The following TNK1 variants were observed in gnomAD, a reference collection of about 807,000 sequenced individuals.
TNK1 encodes non-receptor tyrosine-protein kinase TNK1.
In TNK1, 53 loss-of-function variants were observed where a neutral mutation model predicts 65.2. That is an observed-to-expected ratio of 0.81 (90% confidence interval 0.65 to 1.02). The LOEUF (loss-of-function observed/expected upper bound fraction) is 1.02. TNK1 is among the 50% of genes least tolerant of loss of function. The probability of loss-of-function intolerance (pLI) is 0.00; values close to 1 mark genes in which losing one functional copy is unlikely to be tolerated. For missense variants in TNK1, 837 were observed against 878.4 expected (o/e 0.95, Z 0.60); for synonymous variants, 353 against 364.6 (o/e 0.97, Z 0.36).
Position 7,382,988 on chromosome 17 carries a change from A to G in TNK1, c.62A>G (p.Gln21Arg). The G allele has an allele frequency of 6.2e-7, 1 of 1,614,000 alleles. No homozygotes were observed. The highest frequency in any genetic ancestry group is 8.5e-7 in the Non-Finnish European group (1 of 1,179,898). ...LKLLRDIQLA[Q>R]FYWPILEELN... ...CTGCTCCGGGACATCCAGTTGGCCC[A>G]GTTTTACTGGCCCATCCTTGAGGAG... The change falls in exon 2 of 13, where the codon CAG (glutamine) becomes CGG (arginine). Residue 21 changes from glutamine to arginine, a missense_variant. Transcript: ENST00000688331. This position sits in a 1 kb window ranked among gnomAD's most constrained non-coding sequence, Gnocchi z 4.1.
At position 7,388,787 on chromosome 17, in the gene TNK1, G is replaced by T. The variant is rs1295834838; in HGVS notation, c.1777-1G>T. The T allele has an allele frequency of 3.1e-6, 5 of 1,606,512 alleles. No homozygotes were observed. The African/African-American group carries it at 6.7e-5, about 21-fold the overall frequency. On this transcript the variant is annotated splice_acceptor_variant, in intron 11 of 12. Transcript: ENST00000688331. LOFTEE classifies it high-confidence loss of function. This position sits in a 1 kb window ranked among gnomAD's most constrained non-coding sequence, Gnocchi z 4.5. ...CCTGAGTGAGGCTTTGTCTGTCACA[G>T]GTGGAGCTGAGTGTGCATGGGGTCA...
chr17:7,383,159 A>G, intron 2 of TNK1, 70 bp downstream of exon 2: 1 of 1,609,796 alleles, frequency 6.2e-7, no homozygotes. Flanking sequence ...CCCCACCACA[A>G]CCCTCTTCCA....
chr17:7,385,693 T>C (rs1905144570), intron 7 of TNK1, among the ~76,000 whole-genome samples: 1 of 151,964 alleles, frequency 6.6e-6, no homozygotes. Flanking sequence ...GCCTCCCGAG[T>C]AGCTGGGATT....
intron 7 of TNK1, among the ~76,000 whole-genome samples, chr17:7,386,134 T>C (rs562733697): frequency 6.6e-6 from 1 of 152,076 alleles, no homozygotes; most frequent in Non-Finnish European, 1.5e-5. Flanking sequence ...AAGAATGGAT[T>C]AGAGGGATGA....
chr17:7,387,434 A>G lies in TNK1; in HGVS notation c.1454A>G (p.Asn485Ser), dbSNP rs1905244062. Residue 485 changes from asparagine (N) to serine (S), a missense_variant, in exon 10 of 13, where the codon AAC becomes AGC. Physicochemically the swap from Asn to Ser is conservative, Grantham distance 46. Coordinates refer to ENST00000688331, the MANE Select transcript of TNK1 (RefSeq NM_003985.6). ...DAPPARGQRR[N>S]MPLERMKGIS... ...CCCCCAGCACGGGGCCAGAGGAGGA[A>G]CATGCCCCTGGAGAGGATGAAAGGT... 6.2e-7 allele frequency: 1 copy of G among 1,601,010 alleles called. No individual in the cohort carries two copies.
Position 7,388,352 on chromosome 17 carries a change from G to A in TNK1, c.1478-54G>A. 6.5e-7 allele frequency: 1 copy of A among 1,529,136 alleles called. No homozygotes were observed. The highest frequency in any genetic ancestry group is 1.3e-5 in the South Asian group (1 of 78,356). The allele number at this position is 1,529,136 out of a possible 1,614,324, so 94.7% of individuals were successfully genotyped here. ...AGGTGGGAGGATCGCTTGAGCCCGG[G>A]AGGCGGAGGCTGCAGCCAGCCGAGT... On this transcript the variant is annotated intron_variant, in intron 10 of 12. Coordinates refer to ENST00000688331, the MANE Select transcript of TNK1 (RefSeq NM_003985.6). The surrounding 1 kb of genome is among the most constrained non-coding windows in gnomAD (Gnocchi z 4.5).
chr17:7,382,386 G>A lies in TNK1; in HGVS notation c.-91-450G>A, dbSNP rs1184642285. Among the ~76,000 whole-genome samples the A allele has an allele frequency of 2.0e-5, 3 of 152,140 alleles. No homozygotes were observed. Among genetic ancestry groups the A allele is most frequent in the African/African-American group, 4.8e-5 (2 of 41,432 alleles). ...AGGCAGTGTACCTTCGTGTGTGTGC[G>A]TGCTCTACCTACATGTCTGAGGTAT... On this transcript the variant is annotated intron_variant, in intron 1 of 12. Transcript: ENST00000688331. The surrounding 1 kb of genome is among the most constrained non-coding windows in gnomAD (Gnocchi z 4.1).
In TNK1 at chr17:7,384,202, G is replaced by C. The variant is rs1428911527; in HGVS notation, c.815G>C (p.Gly272Ala). The C allele has an allele frequency of 6.6e-7, 1 of 1,524,820 alleles. No homozygotes were observed. The highest frequency in any genetic ancestry group is 1.4e-5 in the African/African-American group (1 of 72,014). 94.5% of individuals were successfully genotyped at this position (1,524,820 alleles called of 1,614,324 possible). ...TTCGGGCTGGTGCGGCCTCTGGGCGGTGCCCGGGGCCGCTACGTCATGGGC... is the reference window on the plus strand; with the variant it reads ...TTCGGGCTGGTGCGGCCTCTGGGCGCTGCCCGGGGCCGCTACGTCATGGGC... ...ADFGLVRPLG[G>A]ARGRYVMGGP... Residue 272 changes from glycine to alanine, a missense_variant, in exon 6 of 13, where the codon GGT becomes GCT. Gly to Ala is a moderately conservative substitution (Grantham distance 60). Transcript: ENST00000688331.
intron 1 of TNK1, 24 bp downstream of exon 1, chr17:7,381,138 G>C (rs1331475769): frequency 6.6e-6 from 1 of 152,454 alleles, no homozygotes; most frequent in Non-Finnish European, 1.5e-5. Context: ...CCGAGCAGGG[G>C]GCCCGGGCTG....
At chr17:7,383,925 G>A (rs1453324724) in intron 5 of TNK1, 45 bp from the exon 6 acceptor site, 7 of 1,550,268 alleles carry the variant, frequency 4.5e-6, no homozygotes, top group Non-Finnish European at 5.2e-6. Flanking sequence ...GGGCGGCCAG[G>A]GTCCAATGGG....
intron 5 of TNK1, 41 bp downstream of exon 5, chr17:7,383,905 G>A (rs761091843): frequency 2.2e-5 from 34 of 1,580,356 alleles, no homozygotes; most frequent in Non-Finnish European, 2.8e-5. Flanking sequence ...CAGCCGTGCG[G>A]CAGGAGCGTG....
intron 9 of TNK1, 104 bp from the exon 10 acceptor site, chr17:7,387,274 C>T (rs903550871): frequency 1.3e-5 from 19 of 1,503,516 alleles, no homozygotes; most frequent in African/African-American, 2.8e-5. Context: ...CCACCCTGGG[C>T]CCTGGGTCTC....
chr17:7,386,750 C>A, intron 8 of TNK1, 95 bp downstream of exon 8: 2 of 1,209,504 alleles, frequency 1.7e-6, no homozygotes, highest in Non-Finnish European at 1.2e-6. Context: ...GCTCCTTGAA[C>A]CCTGATCTTC....
Position 7,383,981 on chromosome 17 carries a change from G to A in TNK1, c.594G>A (p.Leu198=). Reference sequence around the variant, plus strand: ...GTTCCCTCCTGCAGGTGATGGAGCTGGCGCCACTGGGCTCCCTGCACGCGC... The same window carrying A: ...GTTCCCTCCTGCAGGTGATGGAGCTAGCGCCACTGGGCTCCCTGCACGCGC... ...LGQPLQMVME[L]APLGSLHARL... Residue 198 remains leucine (L), a synonymous_variant, in exon 6 of 13, where the codon CTG becomes CTA. Transcript: ENST00000688331. 6.7e-7 allele frequency: 1 copy of A among 1,495,548 alleles called. No homozygotes were observed. Among genetic ancestry groups the A allele is most frequent in the Non-Finnish European group, 8.9e-7 (1 of 1,124,526 alleles). 92.6% of individuals were successfully genotyped at this position (1,495,548 alleles called of 1,614,324 possible). A position where few individuals can be genotyped will look rare whatever the true frequency, so the allele number is the denominator to read the frequency against.
rs1455502881 is a variant in TNK1 at position 7,384,079 on chromosome 17, G to C, written c.692G>C (p.Gly231Ala). Reference sequence around the variant, plus strand: ...TGCCTCTTCCTGCGGCAGCTGGCGGGAGCCATGGCGTACCTGGGGGCCCGC... The same window carrying C: ...TGCCTCTTCCTGCGGCAGCTGGCGGCAGCCATGGCGTACCTGGGGGCCCGC... ...LLCLFLRQLA[G>A]AMAYLGARGL... is the part of the protein sequence containing the mutation. Residue 231 changes from glycine to alanine, a missense_variant, in exon 6 of 13, where the codon GGA becomes GCA. Coordinates refer to ENST00000688331, the MANE Select transcript of TNK1 (RefSeq NM_003985.6). 2 of 1,540,896 alleles carry C rather than the reference G, an allele frequency of 1.3e-6. No individual in the cohort carries two copies. Among genetic ancestry groups the C allele is most frequent in the Admixed American group, 1.9e-5 (1 of 51,396 alleles).
chr17:7,387,366 C>A lies in TNK1; in HGVS notation c.1398-12C>A, dbSNP rs1365659568. ...GTTGGTGTGGAGGATGAACTGGATCCCTCTCCGACAGAGACAGAAAGAAGG... is the reference window on the plus strand; with the variant it reads ...GTTGGTGTGGAGGATGAACTGGATCACTCTCCGACAGAGACAGAAAGAAGG... On this transcript the variant is annotated splice_polypyrimidine_tract_variant and intron_variant, in intron 9 of 12. Transcript: ENST00000688331. 1.3e-6 allele frequency: 2 copies of A among 1,596,254 alleles called. No homozygotes were observed. The highest frequency in any genetic ancestry group is 2.3e-5 in the East Asian group (1 of 44,080).
intron 6 of TNK1, 76 bp downstream of exon 6, chr17:7,384,329 G>A: frequency 7.0e-7 from 1 of 1,433,740 alleles, no homozygotes; most frequent in Non-Finnish European, 9.1e-7. Flanking sequence ...AGATCGGAGG[G>A]GGCCGGGCTT....
intron 9 of TNK1, 68 bp from the exon 10 acceptor site, chr17:7,387,310 G>A: frequency 6.5e-7 from 1 of 1,538,606 alleles, no homozygotes; most frequent in Non-Finnish European, 8.8e-7. Flanking sequence ...AGTTTTTTTG[G>A]GAGGGTATAT....
intron 9 of TNK1, 47 bp from the exon 10 acceptor site, chr17:7,387,331 G>C (rs1905235850): frequency 6.4e-7 from 1 of 1,568,306 alleles, no homozygotes; most frequent in Admixed American, 1.9e-5. Context: ...TGATCTGTGG[G>C]GTGGGGAGAG....
Sources: allele counts gnomAD v4.1 joint callset (sites outside exome capture counted in the v4.1 genomes callset), GRCh38; gene constraint gnomAD v4.1.1; non-coding constraint Gnocchi (gnomAD v3.1); transcripts MANE v1.5; gene names NCBI Gene and HGNC (gene_info 2026-07-23, HGNC 2026-07-21).